SSRP1: variants seen among roughly 807,000 people sequenced by gnomAD.
SSRP1 encodes the protein FACT complex subunit SSRP1.
Under a neutral mutation model 84.4 loss-of-function variants are expected in SSRP1, and 21 were observed. The observed-to-expected ratio is 0.25, with a 90% CI of 0.18 to 0.36. The LOEUF (loss-of-function observed/expected upper bound fraction) is 0.36. Ranked by LOEUF, SSRP1 falls within the 10% of genes least tolerant of loss-of-function variation. The pLI is 1.00. For missense variants in SSRP1, 519 were observed against 900.8 expected, an observed-to-expected ratio of 0.58 and a Z score of 5.43; for synonymous variants, 319 against 318.3, an observed-to-expected ratio of 1.00 and a Z score of -0.02.
intron 12 of SSRP1, 111 bp downstream of exon 12, chr11:57,329,982 C>G: frequency 7.4e-7 from 1 of 1,345,382 alleles, no homozygotes. Flanking sequence ...GGTCACTCTC[C>G]CATTCTGGGT....
At chr11:57,334,952 T>C (rs1856179643) in intron 2 of SSRP1, 116 bp downstream of exon 2, 3 of 1,244,026 alleles carry the variant, frequency 2.4e-6, no homozygotes, top group African/African-American at 1.5e-5. Context: ...AGGTACACAT[T>C]ATACTGAGTC....
Position 57,334,508 on chromosome 11 carries a change from A to T in SSRP1, c.195T>A (p.Leu65=), listed in dbSNP as rs1324272576. 8 of 1,614,118 alleles carry T rather than the reference A, an allele frequency of 5.0e-6. No individual in the cohort carries two copies. The highest frequency in any genetic ancestry group is 6.8e-6 in the Non-Finnish European group (8 of 1,180,054). ...RVALGHGLKL[L]TKNGHVYKYD... Reference sequence around the variant, plus strand: ...ACTTGTAGACATGGCCATTCTTTGTAAGCAGTTTAAGTCCATGGCCCAGAG... The same window carrying T: ...ACTTGTAGACATGGCCATTCTTTGTTAGCAGTTTAAGTCCATGGCCCAGAG... The change falls in exon 3 of 17, where the codon CTT becomes CTA. Residue 65 remains leucine, a synonymous_variant. Coordinates refer to ENST00000278412, the MANE Select transcript of SSRP1 (RefSeq NM_003146.3).
intron 3 of SSRP1, among the ~76,000 whole-genome samples, chr11:57,334,007 G>A (rs917379939): frequency 3.9e-5 from 6 of 152,132 alleles, no homozygotes; most frequent in Non-Finnish European, 8.8e-5. Context: ...TTAAAAATCA[G>A]CTGGGCATGG....
At chr11:57,334,110 G>A (rs897634620) in intron 3 of SSRP1, among the ~76,000 whole-genome samples, 15 of 152,152 alleles carry the variant, frequency 9.9e-5, no homozygotes, top group African/African-American at 1.7e-4. Context: ...CCGAGATTGC[G>A]CCACTGCACT....
In SSRP1 at chr11:57,327,789, G is replaced by A; in HGVS notation, c.1705C>T (p.His569Tyr). The A allele has an allele frequency of 6.2e-7, 1 of 1,614,124 alleles. No homozygotes were observed. Among genetic ancestry groups the A allele is most frequent in the Non-Finnish European group, 8.5e-7 (1 of 1,180,036 alleles). Residue 569 changes from histidine to tyrosine, a missense_variant, in exon 14 of 17, where the codon CAT becomes TAT. His to Tyr is a moderately conservative substitution (Grantham distance 83). Around this residue, in one of 7 missense-constraint regions of SSRP1, gnomAD observed 197 missense variants for 265.0 expected, o/e 0.74. Coordinates refer to ENST00000278412, the MANE Select transcript of SSRP1 (RefSeq NM_003146.3). ...NASREKIKSD[H>Y]PGISITDLSK... is the part of the protein sequence containing the mutation. Reference sequence around the variant, plus strand: ...AGATCCGTGATGCTGATGCCAGGATGGTCTGACTTGATCTTCTCTCGGCTG... The same window carrying A: ...AGATCCGTGATGCTGATGCCAGGATAGTCTGACTTGATCTTCTCTCGGCTG...
rs10896605 is a variant in SSRP1 at position 57,330,450 on chromosome 11, G to A, written c.1297-21C>T. On this transcript the variant is annotated intron_variant, in intron 10 of 16. Transcript: ENST00000278412. The surrounding 1 kb of genome is among the most constrained non-coding windows in gnomAD (Gnocchi z 4.0). ...ATGCCCTAGCCAGGGAAGAGTTCAC[G>A]GTGGGGCCAACTCACCCTCGAGCCA... The A allele has an allele frequency of 0.15, 234,028 of 1,612,482 alleles. 18,047 individuals are homozygous for A. Among genetic ancestry groups the A allele is most frequent in the Non-Finnish European group, 0.16 (186,082 of 1,179,654 alleles).
rs1276787281 is a variant in SSRP1 at position 57,330,673 on chromosome 11, G to C, written c.1296+182C>G. On this transcript the variant is annotated intron_variant, in intron 10 of 16. Transcript: ENST00000278412. The surrounding 1 kb of genome is among the most constrained non-coding windows in gnomAD (Gnocchi z 4.0). ...CTGGGGGCTCCTGAGGGGCTGCATAGACTGGTCTAAGGTCATGCAGAGGAA... is the reference window on the plus strand; with the variant it reads ...CTGGGGGCTCCTGAGGGGCTGCATACACTGGTCTAAGGTCATGCAGAGGAA... The C allele has an allele frequency of 1.0e-5, 15 of 1,457,578 alleles. No individual in the cohort carries two copies. The highest frequency in any genetic ancestry group is 2.8e-5 in the African/African-American group (2 of 70,252). 90.3% of individuals were successfully genotyped at this position (1,457,578 alleles called of 1,614,324 possible).
intron 12 of SSRP1, chr11:57,329,636 G>T (rs377392876): frequency 1.4e-4 from 27 of 189,436 alleles, no homozygotes; most frequent in South Asian, 1.0e-3. Flanking sequence ...ATGAACTTAT[G>T]AAATTCCCTT....
rs367939053 is a variant in SSRP1, at chr11:57,332,128, A to G, written c.1001+24T>C. 6 of 1,612,936 alleles carry G rather than the reference A, an allele frequency of 3.7e-6. No individual in the cohort carries two copies. Among genetic ancestry groups the G allele is most frequent in the Non-Finnish European group, 5.1e-6 (6 of 1,179,964 alleles). ...GGCATTTCCCATACCCAGGCAGGGC[A>G]GGATCCCAGGCCCACACTCTCACCC... On this transcript the variant is annotated intron_variant, in intron 8 of 16. Transcript: ENST00000278412. This position sits in a 1 kb window ranked among gnomAD's most constrained non-coding sequence, Gnocchi z 5.5.
Position 57,331,689 on chromosome 11 carries a change from T to C in SSRP1, c.1202A>G (p.Tyr401Cys). The C allele has an allele frequency of 6.2e-7, 1 of 1,614,092 alleles. No individual in the cohort carries two copies. Among genetic ancestry groups the C allele is most frequent in the Non-Finnish European group, 8.5e-7 (1 of 1,179,968 alleles). The change falls in exon 9 of 17, where the codon TAT (tyrosine) becomes TGT (cysteine). Residue 401 changes from tyrosine to cysteine, a missense_variant. By Grantham distance (194) the Tyr-to-Cys change is radical. Around this residue, in one of 7 missense-constraint regions of SSRP1, gnomAD observed 16 missense variants for 29.0 expected, o/e 0.55. Transcript: ENST00000278412. ...FEIETKQGTQ[Y>C]TFSSIEREEY... Reference sequence around the variant, plus strand: ...TCACCTCTCAATGCTGCTGAAGGTATACTGAGTGCCCTGCTTGGTCTCAAT... The same window carrying C: ...TCACCTCTCAATGCTGCTGAAGGTACACTGAGTGCCCTGCTTGGTCTCAAT...
Position 57,333,116 on chromosome 11 carries a change from G to A in SSRP1, c.380C>T (p.Pro127Leu), listed in dbSNP as rs369408799. Reference protein sequence around the residue: ...QLLSFDIGDQPVFEIPLSNVS... With the variant: ...QLLSFDIGDQLVFEIPLSNVS... ...ATTGCTGAGGGGTATCTCAAAGACTGGCTGGTCACCAATGTCAAAGGAAAG... is the reference window on the plus strand; with the variant it reads ...ATTGCTGAGGGGTATCTCAAAGACTAGCTGGTCACCAATGTCAAAGGAAAG... Residue 127 changes from proline to leucine, a missense_variant, in exon 5 of 17, where the codon CCA becomes CTA. Around this residue, in one of 7 missense-constraint regions of SSRP1, gnomAD observed 159 missense variants for 359.0 expected, o/e 0.44. Transcript: ENST00000278412. 1.9e-6 allele frequency: 3 copies of A among 1,612,508 alleles called. No homozygotes were observed. Among genetic ancestry groups the A allele is most frequent in the Non-Finnish European group, 2.5e-6 (3 of 1,178,948 alleles).
chr11:57,326,784 G>A lies in SSRP1; in HGVS notation c.1977C>T (p.Ser659=), dbSNP rs1372450724. The A allele has an allele frequency of 6.2e-7, 1 of 1,614,240 alleles. No homozygotes were observed. Among genetic ancestry groups the A allele is most frequent in the South Asian group, 1.1e-5 (1 of 91,088 alleles). Residue 659 remains serine (S), a synonymous_variant, in exon 16 of 17, where the codon AGC becomes AGT. Transcript: ENST00000278412. ...TAGACACAAACTCTTTGCTCTTGAA[G>A]CTCTCGCTTAGCTGCCTTGAGGACG... is the stretch of plus-strand genomic sequence containing the variant. ...SKSSSRQLSE[S]FKSKEFVSSD...
At chr11:57,334,340 C>A (rs1856161018) in intron 3 of SSRP1, 123 bp downstream of exon 3, 1 of 1,150,274 alleles carries the variant, frequency 8.7e-7, no homozygotes, top group Non-Finnish European at 1.2e-6. Flanking sequence ...GGCCTCACAG[C>A]CCTGCTCTAA....
chr11:57,330,338 C>G lies in SSRP1; in HGVS notation c.1388G>C (p.Arg463Pro). The change falls in exon 11 of 17, where the codon CGG becomes CCG. Residue 463 changes from arginine to proline, a missense_variant. This residue lies in a region of SSRP1 where 24 missense variants were observed against 68.2 expected (regional missense o/e 0.35). Transcript: ENST00000278412. The surrounding 1 kb of genome is among the most constrained non-coding windows in gnomAD (Gnocchi z 4.0). ...LERMKEEGKI[R>P]EENANDSSDD... The stretch of plus-strand genomic sequence containing the variant: ...GCTGCTGTCATTGGCATTCTCCTCC[C>G]GGATCTTGCCTTCCTCCTTCATCCT... The G allele has an allele frequency of 6.2e-7, 1 of 1,614,192 alleles. No individual in the cohort carries two copies. Among genetic ancestry groups the G allele is most frequent in the Non-Finnish European group, 8.5e-7 (1 of 1,180,038 alleles).
chr11:57,326,365 G>A lies in SSRP1; in HGVS notation c.*42C>T. 1.3e-6 allele frequency: 2 copies of A among 1,590,426 alleles called. No homozygotes were observed. Among genetic ancestry groups the A allele is most frequent in the Non-Finnish European group, 1.7e-6 (2 of 1,159,370 alleles). On this transcript the variant is annotated 3_prime_UTR_variant, in exon 17 of 17. Coordinates refer to ENST00000278412, the MANE Select transcript of SSRP1 (RefSeq NM_003146.3). ...TACCAAAATATGGGTGGGGAGTCGG[G>A]GGGTGTGAGAAGGCAAGCGCAAAGA... is the stretch of plus-strand genomic sequence containing the variant.
rs1855980922 is a variant in SSRP1 at position 57,326,412 on chromosome 11, C to T, written c.2125G>A (p.Glu709Lys). 6.2e-7 allele frequency: 1 copy of T among 1,614,186 alleles called. No homozygotes were observed. Among genetic ancestry groups the T allele is most frequent in the Non-Finnish European group, 8.5e-7 (1 of 1,180,020 alleles). The change falls in exon 17 of 17, where the codon GAG (glutamate) becomes AAG (lysine). Residue 709 changes from glutamate to lysine, a missense_variant. Transcript: ENST00000278412. ...SSEDSASGSD[E>K] ...AAGAGAACCTTCCTCCGTTTCTACT[C>T]ATCGGATCCTGACGCTGAGTCCTCT...
At position 57,326,074 on chromosome 11, in the gene SSRP1, C is replaced by T. The variant is rs1855973697; in HGVS notation, c.*333G>A. On this transcript the variant is annotated 3_prime_UTR_variant, in exon 17 of 17. Coordinates refer to ENST00000278412, the MANE Select transcript of SSRP1 (RefSeq NM_003146.3). ...AGAAATAGGCCCCAGGTAGGAGCTACAGGCCTGGCCTCACATGACCCCTGC... is the reference window on the plus strand; with the variant it reads ...AGAAATAGGCCCCAGGTAGGAGCTATAGGCCTGGCCTCACATGACCCCTGC... The T allele has an allele frequency of 6.2e-6, 2 of 322,742 alleles. No homozygotes were observed. Among genetic ancestry groups the T allele is most frequent in the Non-Finnish European group, 1.1e-5 (2 of 175,172 alleles). 20.0% of individuals were successfully genotyped at this position (322,742 alleles called of 1,614,324 possible).
At chr11:57,331,472 T>G (rs988330574) in intron 9 of SSRP1, among the ~76,000 whole-genome samples, 196 bp downstream of exon 9, 1 of 151,954 alleles carries the variant, frequency 6.6e-6, no homozygotes, top group Admixed American at 6.6e-5. Context: ...TTTTGTTTTG[T>G]TTTTTTAATG....
rs1264908292 is a variant in SSRP1 at position 57,332,923 on chromosome 11, A to C, written c.537+36T>G. ...CCAGGCCAGCCAATGCCTGCTCAGC[A>C]CCATCTGCTGCCAAGGCAACCAGGG... On this transcript the variant is annotated intron_variant, in intron 5 of 16. Transcript: ENST00000278412. The surrounding 1 kb of genome is among the most constrained non-coding windows in gnomAD (Gnocchi z 5.5). 5 of 1,598,878 alleles carry C rather than the reference A, an allele frequency of 3.1e-6. No homozygotes were observed. Among genetic ancestry groups the C allele is most frequent in the Non-Finnish European group, 4.3e-6 (5 of 1,170,338 alleles).
Sources: allele counts gnomAD v4.1 joint callset (sites outside exome capture counted in the v4.1 genomes callset), GRCh38; gene constraint gnomAD v4.1.1; regional missense constraint gnomAD v4.1.1; non-coding constraint Gnocchi (gnomAD v3.1); transcripts MANE v1.5; gene names NCBI Gene and HGNC (gene_info 2026-07-23, HGNC 2026-07-21).